ERBB4: variants seen among roughly 807,000 people sequenced by gnomAD.
ERBB4 encodes erb-b2 receptor tyrosine kinase 4, also known as receptor tyrosine-protein kinase erbB-4.
In ERBB4, 42 loss-of-function variants were observed where a neutral mutation model predicts 158.0. The observed-to-expected ratio is 0.27, with a 90% confidence interval of 0.21 to 0.34. ERBB4 has a LOEUF of 0.34. Among genes scored for constraint, ERBB4 ranks in the 10% least tolerant of loss-of-function variants. The pLI is 1.00. For missense variants in ERBB4, 1,333 were observed against 1,624.1 expected, an observed-to-expected ratio of 0.82 and a Z score of 3.08; for synonymous variants, 583 against 558.7, an observed-to-expected ratio of 1.04 and a Z score of -0.61.
At chr2:212,502,615 A>G (rs544078404) in intron 1 of ERBB4, among the ~76,000 whole-genome samples, 2 of 152,280 alleles carry the variant, frequency 1.3e-5, no homozygotes, top group African/African-American at 2.4e-5. Context: ...ACCAAACCCA[A>G]TTCTAAGCAC....
chr2:211,603,061 T>C (rs936861258), intron 19 of ERBB4, among the ~76,000 whole-genome samples: 2 of 151,874 alleles, frequency 1.3e-5, no homozygotes, highest in Admixed American at 6.6e-5. Context: ...TGAAACTCCA[T>C]CTCTACTAAA....
At chr2:211,394,856 T>C (rs1374955923) in intron 25 of ERBB4, among the ~76,000 whole-genome samples, 1 of 152,060 alleles carries the variant, frequency 6.6e-6, no homozygotes, top group East Asian at 1.9e-4. Flanking sequence ...TCTCATGAAA[T>C]CCTTCTACCT....
intron 25 of ERBB4, 96 bp from the exon 26 acceptor site, chr2:211,388,088 G>A (rs1256335762): frequency 1.1e-5 from 10 of 905,400 alleles, no homozygotes; most frequent in Middle Eastern, 2.2e-4. Flanking sequence ...CACATGGGTC[G>A]TATGAACCAA....
chr2:212,317,591 T>C (rs2087349486), intron 1 of ERBB4, among the ~76,000 whole-genome samples: 2 of 151,634 alleles, frequency 1.3e-5, no homozygotes, highest in African/African-American at 2.4e-5. Context: ...AGCCAAAATA[T>C]GTATTTCACC....
At chr2:211,643,956 T>G (rs192710093) in intron 16 of ERBB4, among the ~76,000 whole-genome samples, 10 of 152,100 alleles carry the variant, frequency 6.6e-5, no homozygotes, top group African/African-American at 2.4e-4. Flanking sequence ...CAAGCAAATA[T>G]GTACTGAAAG....
chr2:212,495,114 G>A (rs1038698189), intron 1 of ERBB4, among the ~76,000 whole-genome samples: 4 of 152,082 alleles, frequency 2.6e-5, no homozygotes, highest in African/African-American at 9.7e-5. Context: ...TTCAAGGAAG[G>A]AGATTCTAGC....
chr2:212,402,283 T>C (rs2091229298), intron 1 of ERBB4, among the ~76,000 whole-genome samples: 1 of 152,148 alleles, frequency 6.6e-6, no homozygotes, highest in South Asian at 2.1e-4. Context: ...TTATTATCTA[T>C]TTATATAAAA....
chr2:211,555,515 C>T lies in ERBB4; in HGVS notation c.2487+6388G>A, dbSNP rs73075163. ...TTGTGTTTTCTATCACATAAAATGTCGTAGAATGATGAACTAATGGAAGAA... is the reference window on the plus strand; with the variant it reads ...TTGTGTTTTCTATCACATAAAATGTTGTAGAATGATGAACTAATGGAAGAA... On this transcript the variant is annotated intron_variant, in intron 20 of 27. Coordinates refer to ENST00000342788, the MANE Select transcript of ERBB4 (RefSeq NM_005235.3). Among the ~76,000 whole-genome samples the T allele has an allele frequency of 4.7e-3, 720 of 152,068 alleles. 7 individuals are homozygous for T. Among genetic ancestry groups the T allele is most frequent in the African/African-American group, 0.017 (695 of 41,474 alleles).
At chr2:211,878,148 C>G (rs754869549) in intron 3 of ERBB4, among the ~76,000 whole-genome samples, 1 of 151,996 alleles carries the variant, frequency 6.6e-6, no homozygotes, top group Non-Finnish European at 1.5e-5. Context: ...AATGTATCAC[C>G]GTAGAAATTA....
intron 3 of ERBB4, among the ~76,000 whole-genome samples, chr2:211,935,137 TGCCC>T (rs2080285129): frequency 6.6e-6 from 1 of 152,140 alleles, no homozygotes; most frequent in Non-Finnish European, 1.5e-5. Context: ...AATTATTGTA[TGCCC>T]TCCTTGTGGT....
intron 3 of ERBB4, among the ~76,000 whole-genome samples, chr2:211,878,967 G>A (rs2078589797): frequency 1.3e-5 from 2 of 152,024 alleles, no homozygotes; most frequent in Admixed American, 1.3e-4. Flanking sequence ...TACTCTCCTA[G>A]GTGCTTTTAC....
At chr2:212,086,709 G>C (rs1323283275) in intron 2 of ERBB4, among the ~76,000 whole-genome samples, 36 of 151,966 alleles carry the variant, frequency 2.4e-4, no homozygotes, top group Admixed American at 2.4e-3. Flanking sequence ...CTTTGTATCA[G>C]ACCAGGTAAG....
At chr2:212,431,897 A>C (rs926769788) in intron 1 of ERBB4, among the ~76,000 whole-genome samples, 1 of 152,078 alleles carries the variant, frequency 6.6e-6, no homozygotes, top group Non-Finnish European at 1.5e-5. Flanking sequence ...CCCAACATTC[A>C]TTGTCCTCTT....
At chr2:211,854,151 A>G (rs868348725) in intron 3 of ERBB4, among the ~76,000 whole-genome samples, 1 of 152,094 alleles carries the variant, frequency 6.6e-6, no homozygotes, top group African/African-American at 2.4e-5. Context: ...ATATTTTATG[A>G]AATTACAAAT....
In ERBB4 at chr2:212,293,869, AAAAAC is replaced by A. The variant is rs796186666; in HGVS notation, c.83-168971_83-168967del. The stretch of plus-strand genomic sequence containing the variant: ...TCTCAAAAAAAAAAACAAAAAAAAA[AAAAAC>A]ATACATTTGTAAGTGTATGATGTGT... On this transcript the variant is annotated intron_variant, in intron 1 of 27. Transcript: ENST00000342788. Among the ~76,000 whole-genome samples, 1,464 of 149,956 alleles carry A rather than the reference AAAAAC, an allele frequency of 9.8e-3. 33 individuals are homozygous for A. The highest frequency in any genetic ancestry group is 0.034 in the African/African-American group (1,372 of 40,682).
At chr2:211,641,417 T>C (rs1445069770) in intron 16 of ERBB4, among the ~76,000 whole-genome samples, 1 of 152,076 alleles carries the variant, frequency 6.6e-6, no homozygotes, top group Admixed American at 6.6e-5. Context: ...GAACAAACCT[T>C]AAAAATATTT....
Position 212,286,599 on chromosome 2 carries a change from T to TTTTTTTTGTTTTG in ERBB4, c.83-161697_83-161696insCAAAACAAAAAAA, listed in dbSNP as rs1559928488. 1.7e-4 allele frequency among the ~76,000 whole-genome samples: 14 copies of TTTTTTTTGTTTTG among 83,852 alleles called. 1 individual carries two copies. Among genetic ancestry groups the TTTTTTTTGTTTTG allele is most frequent in the South Asian group, 3.8e-4 (1 of 2,602 alleles). 55.0% of individuals were successfully genotyped at this position (83,852 alleles called of 152,430 possible). On this transcript the variant is annotated intron_variant, in intron 1 of 27. Transcript: ENST00000342788. ...GATGATTACATAAGTGCTGACTTTT[T>TTTTTTTTGTTTTG]TTTTTTTTTTTTTTTTTTTTTGACA...
chr2:212,231,373 A>G (rs1017926264), intron 1 of ERBB4, among the ~76,000 whole-genome samples: 1 of 152,218 alleles, frequency 6.6e-6, no homozygotes, highest in Non-Finnish European at 1.5e-5. Context: ...TGATGGGCTT[A>G]AACCTAAGGA....
chr2:211,509,503 A>G (rs1269804575), intron 20 of ERBB4, among the ~76,000 whole-genome samples: 1 of 152,086 alleles, frequency 6.6e-6, no homozygotes, highest in African/African-American at 2.4e-5. Context: ...CTAGCAAAAA[A>G]ATCTAGGAAA....
Sources: gnomAD v4.1 joint callset for allele counts (sites outside exome capture counted in the v4.1 genomes callset) on GRCh38, gnomAD v4.1.1 for gene constraint, MANE v1.5 for transcripts, NCBI Gene and HGNC (gene_info 2026-07-23, HGNC 2026-07-21) for gene names.